The following HIBADH variants were observed in gnomAD, a reference collection of about 807,000 sequenced individuals.
HIBADH encodes 3-hydroxyisobutyrate dehydrogenase, mitochondrial.
A neutral mutation model predicts 36.1 loss-of-function variants in HIBADH; 25 were observed. That is an observed-to-expected ratio of 0.69 (90% confidence interval 0.50 to 0.97). The LOEUF (loss-of-function observed/expected upper bound fraction) is 0.97. Among genes scored for constraint, HIBADH ranks in the 50% least tolerant of loss-of-function variants. The probability of loss-of-function intolerance (pLI) is 0.00; values close to 1 mark genes in which losing one functional copy is unlikely to be tolerated. For synonymous variants in HIBADH, 160 were observed against 149.5 expected, an observed-to-expected ratio of 1.07 and a Z score of -0.51; for missense variants, 421 against 418.0, an observed-to-expected ratio of 1.01 and a Z score of -0.06.
Position 27,586,098 on chromosome 7 carries a change from GT to G in HIBADH, c.485-42999del, listed in dbSNP as rs142589344. On this transcript the variant is annotated intron_variant, in intron 4 of 7. Coordinates refer to ENST00000265395, the MANE Select transcript of HIBADH (RefSeq NM_152740.4). Reference sequence around the variant, plus strand: ...TCTCTGCAATTTATTCTTTAAAAATGTTTTTTCCCTATGAACAATACATTCA... The same window carrying G: ...TCTCTGCAATTTATTCTTTAAAAATGTTTTTCCCTATGAACAATACATTCA... 4.5e-3 allele frequency among the ~76,000 whole-genome samples: 679 copies of G among 152,274 alleles called. 6 individuals are homozygous for G. The highest frequency in any genetic ancestry group is 0.016 in the African/African-American group (661 of 41,548).
intron 6 of HIBADH, 99 bp from the exon 7 acceptor site, chr7:27,531,447 A>G (rs1251340381): frequency 9.6e-7 from 1 of 1,045,518 alleles, no homozygotes; most frequent in Non-Finnish European, 1.3e-6. Flanking sequence ...CTCTCCATTT[A>G]TTATATGTCT....
At chr7:27,588,355 G>A (rs994132225) in intron 4 of HIBADH, among the ~76,000 whole-genome samples, 31 of 152,134 alleles carry the variant, frequency 2.0e-4, no homozygotes, top group African/African-American at 7.5e-4. Context: ...AAGAGATACG[G>A]TCTCACTCTG....
chr7:27,621,298 T>C (rs1248860864), intron 4 of HIBADH, among the ~76,000 whole-genome samples: 2 of 152,128 alleles, frequency 1.3e-5, no homozygotes, highest in Non-Finnish European at 2.9e-5. Flanking sequence ...CAATTCTCAA[T>C]GTTAAACAGA....
intron 4 of HIBADH, among the ~76,000 whole-genome samples, chr7:27,586,766 C>A (rs1784871136): frequency 6.6e-6 from 1 of 152,186 alleles, no homozygotes; most frequent in Non-Finnish European, 1.5e-5. Flanking sequence ...ACCACCTCGA[C>A]TTTCCTGGGA....
intron 4 of HIBADH, among the ~76,000 whole-genome samples, chr7:27,571,884 T>C (rs1784633514): frequency 6.6e-6 from 1 of 152,256 alleles, no homozygotes; most frequent in African/African-American, 2.4e-5. Flanking sequence ...AATTCAGAGC[T>C]ACTATTGTAA....
intron 4 of HIBADH, among the ~76,000 whole-genome samples, chr7:27,602,916 C>CA (rs1300322888): frequency 1.3e-5 from 2 of 152,102 alleles, no homozygotes; most frequent in Non-Finnish European, 2.9e-5. Flanking sequence ...TCCATCCCAG[C>CA]ACCCACCCAT....
intron 4 of HIBADH, among the ~76,000 whole-genome samples, chr7:27,564,816 T>C (rs1310078388): frequency 6.6e-6 from 1 of 152,218 alleles, no homozygotes; most frequent in African/African-American, 2.4e-5. Flanking sequence ...TCATCAACTT[T>C]TGTAGTTTTC....
chr7:27,592,735 C>T (rs1196969325), intron 4 of HIBADH, among the ~76,000 whole-genome samples: 2 of 152,102 alleles, frequency 1.3e-5, no homozygotes, highest in Non-Finnish European at 2.9e-5. Context: ...TTACTCACAC[C>T]CTGTCTCTAA....
At chr7:27,661,753 T>C (rs906443612) in intron 1 of HIBADH, among the ~76,000 whole-genome samples, 15 of 152,018 alleles carry the variant, frequency 9.9e-5, no homozygotes, top group African/African-American at 3.6e-4. Flanking sequence ...TCTCAAACTT[T>C]CAGTTTGAGG....
chr7:27,646,862 A>AT (rs1314361072), intron 2 of HIBADH, among the ~76,000 whole-genome samples: 30 of 151,924 alleles, frequency 2.0e-4, no homozygotes, highest in African/African-American at 7.0e-4. Context: ...CGCCTGGCTA[A>AT]TTTTTGTATT....
chr7:27,528,723 G>A, intron 7 of HIBADH, among the ~76,000 whole-genome samples: 1 of 152,326 alleles, frequency 6.6e-6, no homozygotes, highest in East Asian at 1.9e-4. Flanking sequence ...ACTGCTGATG[G>A]AGAAACTGCA....
At chr7:27,627,304 C>T (rs1210798296) in intron 4 of HIBADH, among the ~76,000 whole-genome samples, 2 of 152,162 alleles carry the variant, frequency 1.3e-5, no homozygotes, top group Non-Finnish European at 1.5e-5. Context: ...CACAGGAATG[C>T]GGTTTCTTCA....
chr7:27,640,331 G>A (rs1009824384), intron 2 of HIBADH, among the ~76,000 whole-genome samples: 2 of 152,162 alleles, frequency 1.3e-5, no homozygotes, highest in African/African-American at 4.8e-5. Context: ...AGGAGTTCAA[G>A]CCCAGCCTGG....
At chr7:27,540,446 G>T (rs1484729575) in intron 5 of HIBADH, among the ~76,000 whole-genome samples, 5 of 151,916 alleles carry the variant, frequency 3.3e-5, no homozygotes, top group Non-Finnish European at 5.9e-5. Flanking sequence ...CACCTTTTTT[G>T]CCATATGCAC....
intron 4 of HIBADH, among the ~76,000 whole-genome samples, chr7:27,620,233 T>A (rs1404477683): frequency 1.3e-5 from 2 of 152,066 alleles, no homozygotes; most frequent in African/African-American, 4.8e-5. Flanking sequence ...TTGGGGGGAA[T>A]CGCTTGAACC....
chr7:27,641,291 G>GA (rs1785956114), intron 2 of HIBADH, among the ~76,000 whole-genome samples: 1 of 152,118 alleles, frequency 6.6e-6, no homozygotes, highest in Non-Finnish European at 1.5e-5. Flanking sequence ...GCTGACATTA[G>GA]AAATCAACTA....
chr7:27,638,218 C>A (rs1182176009), intron 2 of HIBADH, among the ~76,000 whole-genome samples: 4 of 139,810 alleles, frequency 2.9e-5, no homozygotes, highest in African/African-American at 1.1e-4. Flanking sequence ...TAGCATGGTA[C>A]TGGAACAAAA....
intron 7 of HIBADH, among the ~76,000 whole-genome samples, chr7:27,527,027 T>G (rs1277207775): frequency 6.6e-6 from 1 of 151,866 alleles, no homozygotes; most frequent in African/African-American, 2.4e-5. Flanking sequence ...AGGGAGGTGG[T>G]GGGCAAGGAA....
chr7:27,613,179 A>AT (rs11442513), intron 4 of HIBADH, among the ~76,000 whole-genome samples: 3,025 of 13,874 alleles, frequency 0.22, 89 homozygotes, highest in East Asian at 0.48. Flanking sequence ...ATATAAATAT[A>AT]TTTATATAAA....
Sources: gnomAD v4.1 joint callset for allele counts (sites outside exome capture counted in the v4.1 genomes callset) on GRCh38, gnomAD v4.1.1 for gene constraint, MANE v1.5 for transcripts, NCBI Gene and HGNC (gene_info 2026-07-23, HGNC 2026-07-21) for gene names.